PLEKHF1: variants seen among roughly 807,000 people sequenced by gnomAD.
The protein encoded by PLEKHF1 is pleckstrin homology domain-containing family F member 1.
PLEKHF1 carries 1 observed loss-of-function variant against 4.1 expected under a neutral mutation model. The observed-to-expected ratio is 0.24, with a 90% CI of 0.09 to 1.15. The LOEUF (loss-of-function observed/expected upper bound fraction) is 1.15. Ranked by LOEUF, PLEKHF1 falls within the 50% of genes most tolerant of loss-of-function variation. The pLI is 0.52. For synonymous variants in PLEKHF1, 182 were observed against 178.5 expected (o/e 1.02, Z -0.16); for missense variants, 429 against 400.6 (o/e 1.07, Z -0.60).
At chr19:29,665,694 G>T (rs7251666) in intron 1 of PLEKHF1, 189 bp downstream of exon 1, 5 of 1,106,470 alleles carry the variant, frequency 4.5e-6, no homozygotes, top group South Asian at 1.9e-5. Context: ...GCTCCTGGGC[G>T]GCTTGCGGGG....
chr19:29,667,872 A>T (rs1971587282), intron 1 of PLEKHF1, among the ~76,000 whole-genome samples: 1 of 152,112 alleles, frequency 6.6e-6, no homozygotes, highest in African/African-American at 2.4e-5. Context: ...GCTGGTAGCA[A>T]ATAGTTTAGG....
intron 1 of PLEKHF1, 48 bp from the exon 2 acceptor site, chr19:29,673,776 C>A (rs1357514083): frequency 1.3e-6 from 2 of 1,551,564 alleles, no homozygotes; most frequent in African/African-American, 2.7e-5. Flanking sequence ...GGTTCTGACA[C>A]CCCCATGCCT....
rs1971635738 is a variant in PLEKHF1 at position 29,671,974 on chromosome 19, T to G, written c.-16-1850T>G. On this transcript the variant is annotated intron_variant, in intron 1 of 1. Coordinates refer to ENST00000436066, the MANE Select transcript of PLEKHF1 (RefSeq NM_024310.5). This position sits in a 1 kb window ranked among gnomAD's most constrained non-coding sequence, Gnocchi z 4.0. ...GTCATGCATGGTGGGCCTTGGGACC[T>G]GCTTGGAACCGTGCCAAGCTACTTA... Among the ~76,000 whole-genome samples the G allele has an allele frequency of 6.6e-6, 1 of 151,754 alleles. No homozygotes were observed. Among genetic ancestry groups the G allele is most frequent in the African/African-American group, 2.4e-5 (1 of 41,278 alleles).
chr19:29,670,114 T>C (rs1971613838), intron 1 of PLEKHF1, among the ~76,000 whole-genome samples: 1 of 152,148 alleles, frequency 6.6e-6, no homozygotes, highest in Admixed American at 6.6e-5. Flanking sequence ...GTATTTTTAG[T>C]AGAGACAGGG....
intron 1 of PLEKHF1, among the ~76,000 whole-genome samples, chr19:29,667,721 G>C (rs2866310): frequency 0.38 from 58,359 of 151,590 alleles, 15,116 homozygotes; most frequent in African/African-American, 0.74. Flanking sequence ...TGCTGTGTCC[G>C]GAGTAGGAGA....
chr19:29,670,570 A>G (rs773175516), intron 1 of PLEKHF1, among the ~76,000 whole-genome samples: 7 of 152,316 alleles, frequency 4.6e-5, no homozygotes, highest in Admixed American at 1.3e-4. Context: ...GCTATTGTGA[A>G]TGATGCTGAT....
chr19:29,674,213 A>T lies in PLEKHF1; in HGVS notation c.374A>T (p.His125Leu), dbSNP rs1224728763. 6.2e-7 allele frequency: 1 copy of T among 1,612,750 alleles called. No individual in the cohort carries two copies. Among genetic ancestry groups the T allele is most frequent in the East Asian group, 2.2e-5 (1 of 44,880 alleles). ...ACGGAGCGCCAGGAATGGATTAGCC[A>T]CATCGAGGAGTGCGTGCGGCGGCAA... ...SATERQEWIS[H>L]IEECVRRQLR... is the part of the protein sequence containing the mutation. The change falls in exon 2 of 2, where the codon CAC (histidine) becomes CTC (leucine). Residue 125 changes from histidine to leucine, a missense_variant. Coordinates refer to ENST00000436066, the MANE Select transcript of PLEKHF1 (RefSeq NM_024310.5).
intron 1 of PLEKHF1, among the ~76,000 whole-genome samples, chr19:29,670,749 C>T (rs1004953520): frequency 2.0e-5 from 3 of 151,984 alleles, no homozygotes; most frequent in African/African-American, 7.3e-5. Flanking sequence ...GCGATCTCGG[C>T]TCACTGCAAG....
At chr19:29,665,608 G>C in intron 1 of PLEKHF1, 103 bp downstream of exon 1, 1 of 1,205,900 alleles carries the variant, frequency 8.3e-7, no homozygotes, top group Non-Finnish European at 1.1e-6. Context: ...CTCTCCCGCC[G>C]CGCGGTCTTG....
chr19:29,665,466 G>A lies in PLEKHF1; in HGVS notation c.-56G>A, dbSNP rs1034401797. 3 of 908,288 alleles carry A rather than the reference G, an allele frequency of 3.3e-6. No homozygotes were observed. The highest frequency in any genetic ancestry group is 8.0e-5 in the Admixed American group (2 of 25,136). The allele number at this position is 908,288 out of a possible 1,614,324, so 56.3% of individuals were successfully genotyped here. ...AGCGGGCGGGGACCCGGGCTACTGCGGTGTGGACTCGAGGGCTGGGCGCGG... is the reference window on the plus strand; with the variant it reads ...AGCGGGCGGGGACCCGGGCTACTGCAGTGTGGACTCGAGGGCTGGGCGCGG... On this transcript the variant is annotated 5_prime_UTR_variant, in exon 1 of 2. Coordinates refer to ENST00000436066, the MANE Select transcript of PLEKHF1 (RefSeq NM_024310.5).
At chr19:29,666,939 C>T (rs1355895952) in intron 1 of PLEKHF1, 2 of 152,264 alleles carry the variant, frequency 1.3e-5, no homozygotes, top group Non-Finnish European at 2.9e-5. Flanking sequence ...GGGGCGGCCC[C>T]TCTGGAGGGA....
rs928598867 is a variant in PLEKHF1 at position 29,674,483 on chromosome 19, A to G, written c.644A>G (p.Gln215Arg). Residue 215 changes from glutamine to arginine, a missense_variant, in exon 2 of 2, where the codon CAG (glutamine) becomes CGG (arginine). Gln to Arg is a conservative substitution (Grantham distance 43, BLOSUM62 1). Transcript: ENST00000436066. ...TGCTACCGCGAACTGGCCGCCCAGC[A>G]GCGGCAGGAGGAGGCGGAGGAGCAG... ...SLCYRELAAQ[Q>R]RQEEAEEQGA... The G allele has an allele frequency of 6.5e-7, 1 of 1,545,056 alleles. No homozygotes were observed. Among genetic ancestry groups the G allele is most frequent in the Non-Finnish European group, 8.7e-7 (1 of 1,148,270 alleles).
At chr19:29,670,875 C>T (rs942533298) in intron 1 of PLEKHF1, among the ~76,000 whole-genome samples, 1 of 151,896 alleles carries the variant, frequency 6.6e-6, no homozygotes, top group Admixed American at 6.6e-5. Context: ...AGAGTTTCAC[C>T]GTGTTGGCCA....
intron 1 of PLEKHF1, among the ~76,000 whole-genome samples, chr19:29,670,953 C>A (rs570243838): frequency 6.6e-6 from 1 of 152,142 alleles, no homozygotes; most frequent in Non-Finnish European, 1.5e-5. Context: ...GGATTACAGG[C>A]GTGAGTATTT....
chr19:29,674,401 C>G lies in PLEKHF1; in HGVS notation c.562C>G (p.Arg188Gly). The change falls in exon 2 of 2, where the codon CGC (arginine) becomes GGC (glycine). Residue 188 changes from arginine (R) to glycine (G), a missense_variant. Coordinates refer to ENST00000436066, the MANE Select transcript of PLEKHF1 (RefSeq NM_024310.5). ...CTTCGTGGTCTGCGCTGAGTGCTCGCGCCAGCGCTTCCTGCTCCCGCGCCT... is the reference window on the plus strand; with the variant it reads ...CTTCGTGGTCTGCGCTGAGTGCTCGGGCCAGCGCTTCCTGCTCCCGCGCCT... ...CGFVVCAECS[R>G]QRFLLPRLSP... is the part of the protein sequence containing the mutation. 6.5e-7 allele frequency: 1 copy of G among 1,530,918 alleles called. No individual in the cohort carries two copies. The highest frequency in any genetic ancestry group is 2.0e-5 in the Admixed American group (1 of 50,708). The allele number at this position is 1,530,918 out of a possible 1,614,324, so 94.8% of individuals were successfully genotyped here. A position where few individuals can be genotyped will look rare whatever the true frequency, so the allele number is the denominator to read the frequency against.
At chr19:29,666,385 ACT>A (rs1971569834) in intron 1 of PLEKHF1, among the ~76,000 whole-genome samples, 1 of 151,732 alleles carries the variant, frequency 6.6e-6, no homozygotes, top group Admixed American at 6.6e-5. Context: ...AGCTGAGATG[ACT>A]CTCTGACTTC....
At chr19:29,673,285 C>G (rs1371839418) in intron 1 of PLEKHF1, among the ~76,000 whole-genome samples, 5 of 152,072 alleles carry the variant, frequency 3.3e-5, no homozygotes, top group Non-Finnish European at 5.9e-5. Context: ...TGGCACAGAC[C>G]GTTCTGATGT....
In PLEKHF1 at chr19:29,667,349, A is replaced by G. The variant is rs58783121; in HGVS notation, c.-17+1844A>G. The stretch of plus-strand genomic sequence containing the variant: ...ACTGGCAAGAAGTGTGCATTCCTGA[A>G]GGGCCTGGTCTCCAGCTCCCGGCTG... On this transcript the variant is annotated intron_variant, in intron 1 of 1. Transcript: ENST00000436066. Among the ~76,000 whole-genome samples the G allele has an allele frequency of 3.6e-3, 549 of 152,328 alleles. 4 individuals are homozygous for G. The highest frequency in any genetic ancestry group is 0.013 in the African/African-American group (520 of 41,562).
chr19:29,667,382 GCA>G (rs138318019), intron 1 of PLEKHF1, among the ~76,000 whole-genome samples: 3,294 of 152,290 alleles, frequency 0.022, 131 homozygotes, highest in African/African-American at 0.076. Flanking sequence ...CTGTAACCTC[GCA>G]CAGTGTCTGG....
Sources: gnomAD v4.1 joint callset for allele counts (sites outside exome capture counted in the v4.1 genomes callset) on GRCh38, gnomAD v4.1.1 for gene constraint, Gnocchi (gnomAD v3.1) non-coding constraint, MANE v1.5 for transcripts, NCBI Gene and HGNC (gene_info 2026-07-23, HGNC 2026-07-21) for gene names.